Variants in CALD1 observed in about 807,000 individuals in gnomAD.
The protein encoded by CALD1 is caldesmon.
Under a neutral mutation model 99.9 loss-of-function variants are expected in CALD1, and 33 were observed. That is an observed-to-expected ratio of 0.33 (90% CI 0.25 to 0.44). The LOEUF (loss-of-function observed/expected upper bound fraction) is 0.44. CALD1 is among the 20% of genes least tolerant of loss of function. CALD1 has a pLI of 1.00. For synonymous variants in CALD1, 310 were observed against 325.0 expected (o/e 0.95, Z 0.50); for missense variants, 861 against 962.1 (o/e 0.89, Z 1.39).
chr7:134,877,944 C>A (rs1225238865), intron 3 of CALD1, among the ~76,000 whole-genome samples: 1 of 151,946 alleles, frequency 6.6e-6, no homozygotes, highest in Non-Finnish European at 1.5e-5. Context: ...CTGATGCATA[C>A]AAAGTAATCC....
the CALD1 span, among the ~76,000 whole-genome samples, chr7:134,713,735 T>C: frequency 6.6e-6 from 1 of 152,162 alleles, no homozygotes; most frequent in Non-Finnish European, 1.5e-5. Context: ...GGTTTTTTCC[T>C]GTGGAATGAT....
chr7:134,885,124 G>A (rs530824207), intron 3 of CALD1, among the ~76,000 whole-genome samples: 1 of 152,056 alleles, frequency 6.6e-6, no homozygotes, highest in East Asian at 1.9e-4. Context: ...ACAGAGACGG[G>A]GTTTCACTAT....
At chr7:134,919,069 T>C (rs1804430074) in intron 3 of CALD1, among the ~76,000 whole-genome samples, 1 of 152,224 alleles carries the variant, frequency 6.6e-6, no homozygotes, top group South Asian at 2.1e-4. Context: ...GTAGGTACAA[T>C]ATAAGTCATG....
intron 1 of CALD1, among the ~76,000 whole-genome samples, chr7:134,818,981 A>G (rs1798665570): frequency 6.6e-6 from 1 of 152,220 alleles, no homozygotes; most frequent in Admixed American, 6.5e-5. Context: ...AATCCTGTTC[A>G]GTCACAGGAA....
Position 134,960,592 on chromosome 7 carries a change from C to T in CALD1, c.2259C>T (p.Thr753=), listed in dbSNP as rs1396511039. 6.2e-7 allele frequency: 1 copy of T among 1,613,446 alleles called. No homozygotes were observed. Among genetic ancestry groups the T allele is most frequent in the African/African-American group, 1.3e-5 (1 of 74,988 alleles). ...GCATCAATGAATGGCTAACTAAAAC[C>T]CCAGATGGAAACAAGTCACCTGCTC... ...SSRINEWLTK[T]PDGNKSPAPK... The change falls in exon 13 of 15, where the codon ACC becomes ACT. Residue 753 remains threonine, a synonymous_variant. Coordinates refer to ENST00000361675, the MANE Select transcript of CALD1 (RefSeq NM_033138.4).
At chr7:134,740,120 T>A (rs1036272821), upstream of CALD1, among the ~76,000 whole-genome samples, 2 of 152,186 alleles carry the variant, frequency 1.3e-5, no homozygotes, top group Non-Finnish European at 1.5e-5. Context: ...AATTTAAAAC[T>A]ACTTGAACAA....
At chr7:134,785,620 A>G in intron 1 of CALD1, among the ~76,000 whole-genome samples, 1 of 152,188 alleles carries the variant, frequency 6.6e-6, no homozygotes, top group East Asian at 1.9e-4. Context: ...TGAGTTCTGC[A>G]TAGTTCGGAT....
chr7:134,937,121 T>G (rs1328916120), intron 6 of CALD1, among the ~76,000 whole-genome samples: 1 of 152,176 alleles, frequency 6.6e-6, no homozygotes, highest in African/African-American at 2.4e-5. Context: ...ATTAAACACA[T>G]GGGGGAAGGG....
At chr7:134,817,119 C>T (rs1798592696) in intron 1 of CALD1, among the ~76,000 whole-genome samples, 1 of 151,932 alleles carries the variant, frequency 6.6e-6, no homozygotes, top group African/African-American at 2.4e-5. Flanking sequence ...CCTTTATGGT[C>T]AAAATTGTAA....
At chr7:134,890,059 C>T (rs1480317719) in intron 3 of CALD1, among the ~76,000 whole-genome samples, 3 of 152,106 alleles carry the variant, frequency 2.0e-5, no homozygotes, top group Non-Finnish European at 4.4e-5. Flanking sequence ...CAGGCACCTG[C>T]CACCAAGCCC....
chr7:134,790,223 G>T (rs1477832960), intron 1 of CALD1, among the ~76,000 whole-genome samples: 1 of 152,036 alleles, frequency 6.6e-6, no homozygotes, highest in African/African-American at 2.4e-5. Flanking sequence ...AAGAGCAATG[G>T]ATTGATAGTT....
chr7:134,956,121 T>A (rs201992187), intron 9 of CALD1, among the ~76,000 whole-genome samples: 5 of 151,980 alleles, frequency 3.3e-5, no homozygotes, highest in African/African-American at 7.2e-5. Flanking sequence ...CTTTTTTGCA[T>A]AGTTTTTTAA....
chr7:134,895,298 A>ATGTGTGTGTG (rs71172482), intron 3 of CALD1, among the ~76,000 whole-genome samples: 32 of 138,716 alleles, frequency 2.3e-4, no homozygotes, highest in African/African-American at 7.1e-4. Context: ...TTATATATGT[A>ATGTGTGTGTG]TGTGTGTGTG....
chr7:134,711,969 A>G, the CALD1 span, among the ~76,000 whole-genome samples: 4 of 142,630 alleles, frequency 2.8e-5, no homozygotes, highest in Non-Finnish European at 6.2e-5. Flanking sequence ...TTCCTGGTGT[A>G]TAGGTACCAA....
At chr7:134,751,178 C>T (rs1796682908) in intron 1 of CALD1, among the ~76,000 whole-genome samples, 1 of 152,168 alleles carries the variant, frequency 6.6e-6, no homozygotes, top group African/African-American at 2.4e-5. Context: ...CTTCCATAAG[C>T]CTCATTTTTC....
At chr7:134,798,394 TC>T in intron 1 of CALD1, among the ~76,000 whole-genome samples, 1 of 152,350 alleles carries the variant, frequency 6.6e-6, no homozygotes, top group Non-Finnish European at 1.5e-5. Context: ...ATCTGACTAG[TC>T]ATTCCAAACA....
chr7:134,940,351 A>G (rs1453377018), intron 6 of CALD1, among the ~76,000 whole-genome samples: 5 of 152,324 alleles, frequency 3.3e-5, no homozygotes, highest in Admixed American at 2.6e-4. Flanking sequence ...TGCCCTCCAT[A>G]TATCATCTTC....
intron 7 of CALD1, among the ~76,000 whole-genome samples, chr7:134,943,936 T>G (rs958264885): frequency 1.1e-4 from 17 of 152,232 alleles, no homozygotes; most frequent in Admixed American, 2.0e-4. Flanking sequence ...TAGGACTTAT[T>G]TAGCCAGTCC....
At chr7:134,713,612 TC>T in the CALD1 span, among the ~76,000 whole-genome samples, 2 of 151,760 alleles carry the variant, frequency 1.3e-5, no homozygotes, top group Non-Finnish European at 2.9e-5. Context: ...ACATAATAAA[TC>T]CCCCCTAGGA....
Sources: allele counts gnomAD v4.1 joint callset (sites outside exome capture counted in the v4.1 genomes callset), GRCh38; gene constraint gnomAD v4.1.1; transcripts MANE v1.5; gene names NCBI Gene and HGNC (gene_info 2026-07-23, HGNC 2026-07-21).